PCDHA13: variants seen among roughly 807,000 people sequenced by gnomAD.
PCDHA13 encodes the protein protocadherin alpha 13, also known as protocadherin alpha-13.
In PCDHA13, 54 loss-of-function variants were observed where a neutral mutation model predicts 64.8. That is an observed-to-expected ratio of 0.83 (90% CI 0.67 to 1.04). The LOEUF (loss-of-function observed/expected upper bound fraction) is 1.04. Among genes scored for constraint, PCDHA13 ranks in the 50% least tolerant of loss-of-function variants. The pLI, the probability that PCDHA13 is intolerant of heterozygous loss-of-function variation, is 0.00. For missense variants in PCDHA13, 1,248 were observed against 1,254.3 expected (o/e 0.99, Z 0.08); for synonymous variants, 587 against 564.4 (o/e 1.04, Z -0.57).
chr5:140,900,882 A>G (rs1453854297), intron 1 of PCDHA13, among the ~76,000 whole-genome samples: 1 of 152,044 alleles, frequency 6.6e-6, no homozygotes, highest in African/African-American at 2.4e-5. Flanking sequence ...ATTGCCTGTC[A>G]TTTGGATAAA....
intron 1 of PCDHA13, among the ~76,000 whole-genome samples, chr5:140,908,003 C>G (rs1325602233): frequency 1.3e-5 from 2 of 152,164 alleles, no homozygotes; most frequent in Non-Finnish European, 2.9e-5. Context: ...ACCATCCAGC[C>G]AAACCACTGG....
intron 1 of PCDHA13, among the ~76,000 whole-genome samples, chr5:140,918,282 C>CT (rs1554198523): frequency 6.6e-6 from 1 of 152,016 alleles, no homozygotes; most frequent in African/African-American, 2.4e-5. Context: ...GATGTAGGAG[C>CT]TTTTTGGCAG....
chr5:140,917,333 G>A (rs1301739777), intron 1 of PCDHA13, among the ~76,000 whole-genome samples: 2 of 148,632 alleles, frequency 1.3e-5, no homozygotes, highest in African/African-American at 4.9e-5. Flanking sequence ...GCGGGGGAGG[G>A]GGGGGATGGT....
At chr5:140,980,173 G>GA (rs2096879198) in intron 2 of PCDHA13, among the ~76,000 whole-genome samples, 1 of 152,162 alleles carries the variant, frequency 6.6e-6, no homozygotes, top group Non-Finnish European at 1.5e-5. Flanking sequence ...GGTATCAGAA[G>GA]AAATTCTTTA....
At chr5:140,940,616 G>A (rs1554213527) in intron 1 of PCDHA13, among the ~76,000 whole-genome samples, 3 of 152,002 alleles carry the variant, frequency 2.0e-5, no homozygotes, top group Non-Finnish European at 4.4e-5. Flanking sequence ...CCTGGCTCCT[G>A]CAAATATTCT....
At chr5:140,991,691 A>G (rs2153897191) in intron 3 of PCDHA13, among the ~76,000 whole-genome samples, 1 of 152,286 alleles carries the variant, frequency 6.6e-6, no homozygotes, top group Middle Eastern at 3.4e-3. Flanking sequence ...TCTCTAGTAG[A>G]GCCATTAATA....
intron 3 of PCDHA13, among the ~76,000 whole-genome samples, chr5:140,991,948 A>G (rs2097482017): frequency 6.6e-6 from 1 of 152,046 alleles, no homozygotes; most frequent in Non-Finnish European, 1.5e-5. Flanking sequence ...TAAAATTAGA[A>G]TGCAGTCATT....
chr5:140,902,855 G>A lies in PCDHA13; in HGVS notation c.2394+18193G>A, dbSNP rs137957286. On this transcript the variant is annotated intron_variant, in intron 1 of 3. Coordinates refer to ENST00000289272, the MANE Select transcript of PCDHA13 (RefSeq NM_018904.3). ...GAGTTACTTCACTTAGAAAAATGGC[G>A]TCCAGGTCCACCCAAGCTGCTGCAA... is the stretch of plus-strand genomic sequence containing the variant. Among the ~76,000 whole-genome samples, 742 of 152,204 alleles carry A rather than the reference G, an allele frequency of 4.9e-3. 1 individual carries two copies. The highest frequency in any genetic ancestry group is 7.5e-3 in the Admixed American group (115 of 15,274).
At chr5:140,899,508 T>C (rs1389762615) in intron 1 of PCDHA13, among the ~76,000 whole-genome samples, 4 of 151,990 alleles carry the variant, frequency 2.6e-5, no homozygotes, top group Admixed American at 1.3e-4. Flanking sequence ...GATTTGCATA[T>C]ATTGCATCCC....
chr5:140,905,130 GT>G (rs1448449678), intron 1 of PCDHA13, among the ~76,000 whole-genome samples: 11 of 152,178 alleles, frequency 7.2e-5, no homozygotes, highest in African/African-American at 2.7e-4. Flanking sequence ...GTCTAGAAGA[GT>G]TTTTCTGCTG....
At chr5:140,941,508 G>A (rs1296025812) in intron 1 of PCDHA13, among the ~76,000 whole-genome samples, 1 of 151,286 alleles carries the variant, frequency 6.6e-6, no homozygotes, top group African/African-American at 2.4e-5. Flanking sequence ...GTAGAGACGA[G>A]GTTTCACCAT....
chr5:140,992,576 G>T (rs992150186), intron 3 of PCDHA13, among the ~76,000 whole-genome samples: 4 of 152,172 alleles, frequency 2.6e-5, no homozygotes, highest in Admixed American at 2.0e-4. Flanking sequence ...CATATTGCCT[G>T]CCTTGTATGC....
At chr5:140,900,713 G>A (rs1367112592) in intron 1 of PCDHA13, among the ~76,000 whole-genome samples, 1 of 152,194 alleles carries the variant, frequency 6.6e-6, no homozygotes, top group Non-Finnish European at 1.5e-5. Context: ...TGGAAAGAAA[G>A]GAAATCCTAC....
rs115129184 is a variant in PCDHA13, at chr5:140,964,722, A to G, written c.2395-14227A>G. 3.1e-3 allele frequency among the ~76,000 whole-genome samples: 468 copies of G among 152,140 alleles called. 3 individuals are homozygous for G. The highest frequency in any genetic ancestry group is 5.1e-3 in the Non-Finnish European group (346 of 67,996). On this transcript the variant is annotated intron_variant, in intron 1 of 3. Transcript: ENST00000289272. ...AAGGCCTCCGAGATCAAATTACCAC[A>G]GCAAACTGAGACAGAATTATTGTAG...
intron 1 of PCDHA13, among the ~76,000 whole-genome samples, chr5:140,916,395 G>A (rs2077556484): frequency 6.6e-6 from 1 of 152,180 alleles, no homozygotes; most frequent in African/African-American, 2.4e-5. Flanking sequence ...GGAATGTGCT[G>A]GATCACACCT....
intron 1 of PCDHA13, among the ~76,000 whole-genome samples, chr5:140,908,509 A>G (rs1458307706): frequency 1.3e-5 from 2 of 152,116 alleles, no homozygotes; most frequent in Non-Finnish European, 2.9e-5. Flanking sequence ...TGACTTGATG[A>G]CCCATAGTCA....
At chr5:140,994,939 C>T (rs1210134523) in intron 3 of PCDHA13, among the ~76,000 whole-genome samples, 5 of 152,160 alleles carry the variant, frequency 3.3e-5, no homozygotes, top group Non-Finnish European at 7.3e-5. Context: ...CTTAAACATC[C>T]TGCTAAATAA....
In PCDHA13 at chr5:140,882,683, C is replaced by G. The variant is rs1554175163; in HGVS notation, c.415C>G (p.Arg139Gly). ...NPPIFPESKK[R>G]IIIAESRPPE... Reference sequence around the variant, plus strand: ...GCCCATATTCCCTGAAAGCAAGAAACGAATAATCATTGCAGAATCTAGACC... The same window carrying G: ...GCCCATATTCCCTGAAAGCAAGAAAGGAATAATCATTGCAGAATCTAGACC... The change falls in exon 1 of 4, where the codon CGA (arginine) becomes GGA (glycine). Residue 139 changes from arginine (R) to glycine (G), a missense_variant. Arg to Gly is a moderately radical substitution (Grantham distance 125). Transcript: ENST00000289272. 6.2e-7 allele frequency: 1 copy of G among 1,614,148 alleles called. No homozygotes were observed. The highest frequency in any genetic ancestry group is 8.5e-7 in the Non-Finnish European group (1 of 1,180,038).
intron 1 of PCDHA13, among the ~76,000 whole-genome samples, chr5:140,959,366 C>A (rs1257331462): frequency 1.3e-5 from 2 of 151,552 alleles, no homozygotes; most frequent in African/African-American, 4.8e-5. Flanking sequence ...TGAGTGAGAC[C>A]CTGTCTCAAA....
Sources: allele counts gnomAD v4.1 joint callset (sites outside exome capture counted in the v4.1 genomes callset), GRCh38; gene constraint gnomAD v4.1.1; transcripts MANE v1.5; gene names NCBI Gene and HGNC (gene_info 2026-07-23, HGNC 2026-07-21).